The following PHACTR3 variants were observed in gnomAD, a reference collection of about 807,000 sequenced individuals.
PHACTR3 encodes the protein protein phosphatase 1, regulatory subunit 123.
A neutral mutation model predicts 66.8 loss-of-function variants in PHACTR3; 16 were observed. The observed-to-expected ratio is 0.24, with a 90% CI of 0.16 to 0.36. The LOEUF (loss-of-function observed/expected upper bound fraction) is 0.36. Among genes scored for constraint, PHACTR3 ranks in the 10% least tolerant of loss-of-function variants. The pLI, the probability that PHACTR3 is intolerant of heterozygous loss-of-function variation, is 1.00. For missense variants in PHACTR3, 647 were observed against 719.9 expected (o/e 0.90, Z 1.16); for synonymous variants, 323 against 292.1 (o/e 1.11, Z -1.08).
intron 1 of PHACTR3, among the ~76,000 whole-genome samples, chr20:59,733,252 A>G (rs16984986): frequency 0.12 from 18,995 of 152,046 alleles, 1,328 homozygotes; most frequent in Middle Eastern, 0.16. Flanking sequence ...CATGCTCTTC[A>G]GTCATTACTT....
Position 59,728,842 on chromosome 20 carries a change from G to A in PHACTR3, c.119-14265G>A, listed in dbSNP as rs1430479305. On this transcript the variant is annotated intron_variant, in intron 1 of 12. Transcript: ENST00000371015. ...CCAAGTCAGCTGAAATAACAGCACC[G>A]TGGAGGGAGTGTGTGCCATGCGGAG... Among the ~76,000 whole-genome samples, 3 of 152,014 alleles carry A rather than the reference G, an allele frequency of 2.0e-5. No individual in the cohort carries two copies. The South Asian group carries it at 6.3e-4, about 32-fold the overall frequency.
chr20:59,803,727 T>C (rs2041485647), intron 7 of PHACTR3, among the ~76,000 whole-genome samples: 1 of 152,248 alleles, frequency 6.6e-6, no homozygotes, highest in Non-Finnish European at 1.5e-5. Context: ...ACTGGATGTT[T>C]ACGTTGTGTT....
chr20:59,686,719 GTGGTTATGATGA>G (rs1568711464), intron 1 of PHACTR3, among the ~76,000 whole-genome samples: 118 of 136,866 alleles, frequency 8.6e-4, no homozygotes, highest in African/African-American at 2.7e-3. Context: ...GGTGATGGTG[GTGGTTATGATGA>G]TGGTGGTGAT....
At chr20:59,673,801 A>T (rs1053960459) in intron 1 of PHACTR3, among the ~76,000 whole-genome samples, 1 of 151,948 alleles carries the variant, frequency 6.6e-6, no homozygotes, top group Non-Finnish European at 1.5e-5. Flanking sequence ...AGTGGTATCT[A>T]CACCCCTCCC....
At chr20:59,812,412 C>T (rs1362822623) in intron 8 of PHACTR3, among the ~76,000 whole-genome samples, 3 of 152,214 alleles carry the variant, frequency 2.0e-5, no homozygotes, top group African/African-American at 7.2e-5. Flanking sequence ...GGTGTCCTCC[C>T]GGGCTGTGGC....
chr20:59,732,140 GT>G (rs1397074929), intron 1 of PHACTR3, among the ~76,000 whole-genome samples: 4 of 152,174 alleles, frequency 2.6e-5, no homozygotes, highest in African/African-American at 9.6e-5. Context: ...CATGAAGAGG[GT>G]TTTAGTACAG....
At chr20:59,659,370 CTT>C (rs757895372) in intron 1 of PHACTR3, among the ~76,000 whole-genome samples, 1 of 92,766 alleles carries the variant, frequency 1.1e-5, no homozygotes. Context: ...GGGTCTGGGA[CTT>C]TTTTTTTTTT....
chr20:59,816,974 C>T (rs2041903868), intron 8 of PHACTR3, among the ~76,000 whole-genome samples: 2 of 152,160 alleles, frequency 1.3e-5, no homozygotes, highest in Non-Finnish European at 2.9e-5. Context: ...GCATCCTATT[C>T]ACTGTGCTTG....
Position 59,845,242 on chromosome 20 carries a change from T to C in PHACTR3, c.1641T>C (p.His547=), listed in dbSNP as rs758387220. ...ACAAAAGTAATGAAATGGAGGTACATGCATCAAGCAAGCACTTGACAAGGT... is the reference window on the plus strand; with the variant it reads ...ACAAAAGTAATGAAATGGAGGTACACGCATCAAGCAAGCACTTGACAAGGT... ...NEYKSNEMEV[H]ASSKHLTRFH... Residue 547 remains histidine (H), a synonymous_variant, in exon 12 of 13, where the codon CAT becomes CAC. Coordinates refer to ENST00000371015, the MANE Select transcript of PHACTR3 (RefSeq NM_080672.5). The C allele has an allele frequency of 6.8e-6, 11 of 1,609,204 alleles. No individual in the cohort carries two copies. The highest frequency in any genetic ancestry group is 6.8e-6 in the Non-Finnish European group (8 of 1,176,502).
intron 8 of PHACTR3, among the ~76,000 whole-genome samples, chr20:59,831,838 C>G (rs1369428637): frequency 6.6e-6 from 1 of 152,218 alleles, no homozygotes; most frequent in Non-Finnish European, 1.5e-5. Flanking sequence ...ACAGGCTGCT[C>G]CCCTTGCCTG....
chr20:59,840,338 A>AC, intron 9 of PHACTR3, 31 bp from the exon 10 acceptor site: 1 of 1,500,636 alleles, frequency 6.7e-7, no homozygotes, highest in Non-Finnish European at 9.0e-7. Context: ...TCTCTTTGTT[A>AC]TTTTTTTTTT....
At chr20:59,840,521 A>C (rs1049504072) in intron 10 of PHACTR3, 91 bp downstream of exon 10, 77 of 1,547,686 alleles carry the variant, frequency 5.0e-5, no homozygotes, top group Non-Finnish European at 7.0e-6. Context: ...GCTAGGTATC[A>C]CTCTGTGATC....
chr20:59,774,369 C>G lies in PHACTR3; in HGVS notation c.1053C>G (p.Asn351Lys). Residue 351 changes from asparagine to lysine, a missense_variant, in exon 7 of 13, where the codon AAC (asparagine) becomes AAG (lysine). By Grantham distance (94) the Asn-to-Lys change is moderately conservative. Transcript: ENST00000371015. ...GGAGCTTTGACGGGGCATTGGAGAA[C>G]AAGCGAACTGCCGCTAAGGAATCTG... ...EAWSFDGALE[N>K]KRTAAKESEE... is the part of the protein sequence containing the mutation. 1 of 1,614,192 alleles carries G rather than the reference C, an allele frequency of 6.2e-7. No homozygotes were observed. The highest frequency in any genetic ancestry group is 1.6e-4 in the Middle Eastern group (1 of 6,062).
chr20:59,605,109 C>A lies in PHACTR3; in HGVS notation c.95C>A (p.Ser32Tyr). The A allele has an allele frequency of 7.2e-7, 1 of 1,381,644 alleles. No homozygotes were observed. Among genetic ancestry groups the A allele is most frequent in the Non-Finnish European group, 9.4e-7 (1 of 1,061,972 alleles). 85.6% of individuals were successfully genotyped at this position (1,381,644 alleles called of 1,614,324 possible). A position where few individuals can be genotyped will look rare whatever the true frequency, so the allele number is the denominator to read the frequency against. ...CTCACCGACTCCTCGGCCACCTCCT[C>A]CGCGGACGCCGGGGAGAACCCAGGT... ...SVLTDSSATS[S>Y]ADAGENPDEM... The change falls in exon 1 of 13, where the codon TCC (serine) becomes TAC (tyrosine). Residue 32 changes from serine to tyrosine, a missense_variant. By Grantham distance (144) the Ser-to-Tyr change is moderately radical (BLOSUM62 -2). Around this residue, in one of 2 missense-constraint regions of PHACTR3, gnomAD observed 577 missense variants for 571.1 expected, o/e 1.01. Transcript: ENST00000371015.
chr20:59,645,961 A>G (rs2035269953), intron 1 of PHACTR3, among the ~76,000 whole-genome samples: 1 of 152,148 alleles, frequency 6.6e-6, no homozygotes, highest in African/African-American at 2.4e-5. Flanking sequence ...ATCATCACAC[A>G]GCCTCACTCA....
chr20:59,584,133 A>C (rs1568915720), intron 1 of PHACTR3, among the ~76,000 whole-genome samples: 1 of 152,190 alleles, frequency 6.6e-6, no homozygotes, highest in East Asian at 1.9e-4. Context: ...GGCAGCCCTG[A>C]CTCAGTGCCT....
At chr20:59,788,591 T>G (rs2040996168) in intron 7 of PHACTR3, among the ~76,000 whole-genome samples, 1 of 152,172 alleles carries the variant, frequency 6.6e-6, no homozygotes, top group African/African-American at 2.4e-5. Flanking sequence ...CTGTGCTCTC[T>G]CTTGAGGCTC....
At chr20:59,757,570 A>G (rs860977) in intron 4 of PHACTR3, among the ~76,000 whole-genome samples, 115,238 of 151,998 alleles carry the variant, frequency 0.76, 43,911 homozygotes, top group South Asian at 0.83. Context: ...GGTGTCTGAC[A>G]CAGCCACTCG....
At chr20:59,823,258 A>C (rs566843114) in intron 8 of PHACTR3, among the ~76,000 whole-genome samples, 1 of 152,336 alleles carries the variant, frequency 6.6e-6, no homozygotes, top group South Asian at 2.1e-4. Context: ...ATTTGTGATC[A>C]TTCAGAAGTG....
Sources: allele counts gnomAD v4.1 joint callset (sites outside exome capture counted in the v4.1 genomes callset), GRCh38; gene constraint gnomAD v4.1.1; regional missense constraint gnomAD v4.1.1; transcripts MANE v1.5; gene names NCBI Gene and HGNC (gene_info 2026-07-23, HGNC 2026-07-21).